RORA: variants seen among roughly 807,000 people sequenced by gnomAD.
RORA encodes the protein RAR related orphan receptor A.
RORA carries 7 observed loss-of-function variants against 69.5 expected under a neutral mutation model. The observed-to-expected ratio is 0.10, with a 90% CI of 0.06 to 0.19. RORA has a LOEUF of 0.19. Ranked by LOEUF, RORA falls within the 10% of genes least tolerant of loss-of-function variation. The pLI is 1.00. For synonymous variants in RORA, 261 were observed against 240.8 expected, an observed-to-expected ratio of 1.08 and a Z score of -0.78; for missense variants, 457 against 663.0, an observed-to-expected ratio of 0.69 and a Z score of 3.41.
intron 1 of RORA, among the ~76,000 whole-genome samples, chr15:61,140,380 AC>A (rs2079286773): frequency 6.6e-6 from 1 of 152,170 alleles, no homozygotes; most frequent in Non-Finnish European, 1.5e-5. Context: ...TTGATTAATA[AC>A]CCCCGCCAAA....
intron 1 of RORA, among the ~76,000 whole-genome samples, chr15:60,929,646 A>G (rs1264926996): frequency 6.6e-6 from 1 of 152,198 alleles, no homozygotes; most frequent in Non-Finnish European, 1.5e-5. Flanking sequence ...GAAATCTTAC[A>G]GTGGAGTAGA....
Position 60,550,431 on chromosome 15 carries a change from T to G in RORA, c.197-18580A>C, listed in dbSNP as rs552261330. The stretch of plus-strand genomic sequence containing the variant: ...AAAATAATATTTAAAGCCATAGAAT[T>G]TATAATTTATGCGTCAATAGTTTCT... On this transcript the variant is annotated intron_variant, in intron 2 of 10. Coordinates refer to ENST00000335670, the MANE Select transcript of RORA (RefSeq NM_134261.3). Among the ~76,000 whole-genome samples the G allele has an allele frequency of 2.6e-5, 4 of 152,364 alleles. 1 individual carries two copies. Among genetic ancestry groups the G allele is most frequent in the African/African-American group, 9.6e-5 (4 of 41,590 alleles).
intron 1 of RORA, among the ~76,000 whole-genome samples, chr15:60,878,820 A>C (rs2073647791): frequency 6.6e-6 from 1 of 152,210 alleles, no homozygotes; most frequent in African/African-American, 2.4e-5. Context: ...TTAAGGAAAA[A>C]TTCCCATTAG....
chr15:60,831,508 A>G (rs193015415), intron 1 of RORA, among the ~76,000 whole-genome samples: 37 of 152,306 alleles, frequency 2.4e-4, no homozygotes, highest in African/African-American at 8.7e-4. Flanking sequence ...CCTGGAGGTC[A>G]GGTCTGAGGC....
intron 2 of RORA, among the ~76,000 whole-genome samples, chr15:60,657,241 C>T (rs1176183851): frequency 6.6e-6 from 1 of 152,032 alleles, no homozygotes; most frequent in East Asian, 1.9e-4. Context: ...TCTTTCTTCT[C>T]CTCCTCCTCT....
In RORA at chr15:60,597,613, TATATACATACATATATATAC is replaced by T. The variant is rs1567115616; in HGVS notation, c.197-65782_197-65763del. ...ATATATACACATATATATATATATATATATACATACATATATATACATATATATATATATATGTAAGCAAA... is the reference window on the plus strand; with the variant it reads ...ATATATACACATATATATATATATATATATATATATATATATGTAAGCAAA... On this transcript the variant is annotated intron_variant, in intron 2 of 10. Transcript: ENST00000335670. 2.7e-3 allele frequency among the ~76,000 whole-genome samples: 120 copies of T among 45,056 alleles called. 4 individuals are homozygous for T. Among genetic ancestry groups the T allele is most frequent in the African/African-American group, 6.0e-3 (54 of 9,018 alleles). 29.6% of individuals were successfully genotyped at this position (45,056 alleles called of 152,430 possible).
chr15:61,180,520 T>A (rs1034008344), intron 1 of RORA, among the ~76,000 whole-genome samples: 40 of 152,218 alleles, frequency 2.6e-4, no homozygotes, highest in Admixed American at 7.9e-4. Flanking sequence ...CTACCAATTT[T>A]CTTCCTGGCA....
chr15:60,591,527 G>A (rs909848880), intron 2 of RORA, among the ~76,000 whole-genome samples: 2 of 148,122 alleles, frequency 1.4e-5, no homozygotes, highest in Admixed American at 6.7e-5. Flanking sequence ...TCCCGCCCCC[G>A]GCCCGGCTAC....
At chr15:60,571,466 T>C (rs563944315) in intron 2 of RORA, among the ~76,000 whole-genome samples, 1 of 152,302 alleles carries the variant, frequency 6.6e-6, no homozygotes, top group Admixed American at 6.5e-5. Flanking sequence ...TTAAACCTTT[T>C]GATAGAAATG....
At chr15:60,854,313 C>T (rs1947754936) in intron 1 of RORA, among the ~76,000 whole-genome samples, 1 of 151,862 alleles carries the variant, frequency 6.6e-6, no homozygotes, top group African/African-American at 2.4e-5. Context: ...CAAATACAAA[C>T]ATAGTTCGAA....
intron 1 of RORA, among the ~76,000 whole-genome samples, chr15:60,855,804 A>C (rs1440269579): frequency 6.6e-6 from 1 of 152,100 alleles, no homozygotes; most frequent in Non-Finnish European, 1.5e-5. Context: ...TTCAGTAGAG[A>C]CGGGGTTTCA....
At chr15:61,193,624 T>C (rs900520206) in intron 1 of RORA, among the ~76,000 whole-genome samples, 3 of 152,346 alleles carry the variant, frequency 2.0e-5, no homozygotes, top group Middle Eastern at 3.4e-3. Flanking sequence ...TTTTCTCATT[T>C]GAACTCAAAA....
intron 1 of RORA, among the ~76,000 whole-genome samples, chr15:61,135,592 A>AC (rs1555413946): frequency 6.6e-6 from 1 of 150,916 alleles, no homozygotes; most frequent in Non-Finnish European, 1.5e-5. Context: ...AAAAAAAAAA[A>AC]AAAAAACCAC....
At chr15:60,762,800 C>G (rs2071914882) in intron 1 of RORA, among the ~76,000 whole-genome samples, 1 of 152,196 alleles carries the variant, frequency 6.6e-6, no homozygotes, top group Non-Finnish European at 1.5e-5. Context: ...TGCTTCTCCT[C>G]TTTCTCTGTT....
At chr15:60,519,645 G>C (rs1375918115) in intron 3 of RORA, among the ~76,000 whole-genome samples, 1 of 152,184 alleles carries the variant, frequency 6.6e-6, no homozygotes, top group East Asian at 1.9e-4. Flanking sequence ...AGCACCTTTA[G>C]CTGACCCAGC....
intron 1 of RORA, among the ~76,000 whole-genome samples, chr15:61,035,281 C>T (rs1360009482): frequency 2.0e-5 from 3 of 152,138 alleles, no homozygotes; most frequent in African/African-American, 7.2e-5. Flanking sequence ...CCCAAATCTG[C>T]AAGATTAAGC....
At chr15:61,100,306 G>C (rs2078860933) in intron 1 of RORA, among the ~76,000 whole-genome samples, 1 of 152,016 alleles carries the variant, frequency 6.6e-6, no homozygotes, top group Non-Finnish European at 1.5e-5. Context: ...TTTTAGTAGA[G>C]ATGGGGTTTT....
At chr15:60,527,916 C>T (rs1334158437) in intron 3 of RORA, among the ~76,000 whole-genome samples, 1 of 152,196 alleles carries the variant, frequency 6.6e-6, no homozygotes, top group Non-Finnish European at 1.5e-5. Context: ...TCTTCCTCAG[C>T]ACAGAATGCC....
chr15:60,594,226 T>C (rs2068617855), intron 2 of RORA, among the ~76,000 whole-genome samples: 1 of 152,230 alleles, frequency 6.6e-6, no homozygotes, highest in South Asian at 2.1e-4. Flanking sequence ...CCCACTGTAA[T>C]GTTTACAATT....
Sources: allele counts gnomAD v4.1 joint callset (sites outside exome capture counted in the v4.1 genomes callset), GRCh38; gene constraint gnomAD v4.1.1; transcripts MANE v1.5; gene names NCBI Gene and HGNC (gene_info 2026-07-23, HGNC 2026-07-21).